The following YARS2 variants were observed in gnomAD, a reference collection of about 807,000 sequenced individuals.
The protein encoded by YARS2 is tyrosyl-tRNA synthetase 2.
YARS2 carries 38 observed loss-of-function variants against 45.0 expected under a neutral mutation model. The observed-to-expected ratio is 0.84, with a 90% CI of 0.65 to 1.11. The LOEUF (loss-of-function observed/expected upper bound fraction) is 1.11. Among genes scored for constraint, YARS2 ranks in the 50% least tolerant of loss-of-function variants. The probability of loss-of-function intolerance (pLI) is 0.00; values close to 1 mark genes in which losing one functional copy is unlikely to be tolerated. For synonymous variants in YARS2, 287 were observed against 245.1 expected, an observed-to-expected ratio of 1.17 and a Z score of -1.60; for missense variants, 602 against 599.8, an observed-to-expected ratio of 1.00 and a Z score of -0.04.
In YARS2 at chr12:32,755,855, C is replaced by T. The variant is rs768368005; in HGVS notation, c.20G>A (p.Arg7Gln). ...AGACCACCGGCCCCAGGAAAAGGAC[C>T]GCAAGATGGGCGCCGCCATCTTGGT... is the stretch of plus-strand genomic sequence containing the variant. MAAPIL[R>Q]SFSWGRWSGT... Residue 7 changes from arginine to glutamine, a missense_variant, in exon 1 of 5, where the codon CGG (arginine) becomes CAG (glutamine). Arg to Gln is a conservative substitution (Grantham distance 43, BLOSUM62 1). Transcript: ENST00000324868. 1.2e-6 allele frequency: 2 copies of T among 1,613,120 alleles called. No individual in the cohort carries two copies. The highest frequency in any genetic ancestry group is 8.5e-7 in the Non-Finnish European group (1 of 1,180,036).
chr12:32,754,962 T>C (rs1955819175), intron 1 of YARS2, 134 bp downstream of exon 1: 4 of 1,112,716 alleles, frequency 3.6e-6, no homozygotes, highest in East Asian at 2.3e-5. Context: ...AACGCCATTA[T>C]AGAGCCTTAA....
Position 32,754,016 on chromosome 12 carries a change from T to G in YARS2, c.849A>C (p.Gly283=). ...LITSTTGAKL[G]KSAGNAVWLN... is the part of the protein sequence containing the mutation. ...GCCAAACAGCGTTGCCAGCAGACTT[T>G]CCCAGCTTTGCTCCAGTTGTACTTG... The change falls in exon 2 of 5, where the codon GGA becomes GGC. Residue 283 remains glycine, a synonymous_variant. Transcript: ENST00000324868. 1 of 1,614,210 alleles carries G rather than the reference T, an allele frequency of 6.2e-7. No homozygotes were observed. Among genetic ancestry groups the G allele is most frequent in the Non-Finnish European group, 8.5e-7 (1 of 1,180,036 alleles).
chr12:32,755,092 T>C lies in YARS2; in HGVS notation c.779+4A>G. The C allele has an allele frequency of 6.2e-7, 1 of 1,614,166 alleles. No individual in the cohort carries two copies. Among genetic ancestry groups the C allele is most frequent in the Non-Finnish European group, 8.5e-7 (1 of 1,180,026 alleles). ...GGATTTCCCCAAGGTTTAAAGGCAC[T>C]TACTTGTTGATGAACTCATATCCGG... On this transcript the variant is annotated splice_donor_region_variant and intron_variant, in intron 1 of 4. Coordinates refer to ENST00000324868, the MANE Select transcript of YARS2 (RefSeq NM_001040436.3).
chr12:32,753,719 ACT>A (rs1955791071), intron 2 of YARS2, among the ~76,000 whole-genome samples, 197 bp downstream of exon 2: 1 of 152,206 alleles, frequency 6.6e-6, no homozygotes, highest in Non-Finnish European at 1.5e-5. Context: ...CTAGCCACCC[ACT>A]GTTTTTCTGC....
chr12:32,755,274 G>A lies in YARS2; in HGVS notation c.601C>T (p.Arg201Trp), dbSNP rs767331277. The A allele has an allele frequency of 1.9e-6, 3 of 1,614,128 alleles. No homozygotes were observed. Among genetic ancestry groups the A allele is most frequent in the Non-Finnish European group, 2.5e-6 (3 of 1,180,042 alleles). ...GHFRMGTLLS[R>W]QSVQLRLKSP... ...TTGAGCCGCAGCTGCACGCTCTGCC[G>A]GCTCAGCAGCGTCCCCATGCGGAAG... Residue 201 changes from arginine to tryptophan, a missense_variant, in exon 1 of 5, where the codon CGG becomes TGG. Coordinates refer to ENST00000324868, the MANE Select transcript of YARS2 (RefSeq NM_001040436.3).
In YARS2 at chr12:32,750,787, A is replaced by C. The variant is rs1955728820; in HGVS notation, c.1035T>G (p.Pro345=). The change falls in exon 3 of 5, where the codon CCT becomes CCG. Residue 345 remains proline, a synonymous_variant. Coordinates refer to ENST00000324868, the MANE Select transcript of YARS2 (RefSeq NM_001040436.3). ...TTACTTCTGCTGCCAGTCGTTTCTG[A>C]GGACCCCGCCTTTCTGGCTCTTTGA... The part of the protein sequence containing the change: ...LHVKEPERRG[P]QKRLAAEVTK... 6.2e-7 allele frequency: 1 copy of C among 1,614,188 alleles called. No homozygotes were observed. Among genetic ancestry groups the C allele is most frequent in the East Asian group, 2.2e-5 (1 of 44,868 alleles).
chr12:32,749,750 T>C (rs567059422), intron 4 of YARS2, among the ~76,000 whole-genome samples, 187 bp downstream of exon 4: 1 of 151,972 alleles, frequency 6.6e-6, no homozygotes, highest in East Asian at 1.9e-4. Flanking sequence ...CCGGCTAATT[T>C]GTATTTTTAG....
At chr12:32,748,217 A>C (rs2137646665) in intron 4 of YARS2, among the ~76,000 whole-genome samples, 1 of 152,180 alleles carries the variant, frequency 6.6e-6, no homozygotes, top group African/African-American at 2.4e-5. Flanking sequence ...GTCCTTGCCC[A>C]CACAGATCTT....
chr12:32,749,858 T>G, intron 4 of YARS2, 79 bp downstream of exon 4: 133 of 1,555,608 alleles, frequency 8.5e-5, no homozygotes, highest in Middle Eastern at 3.4e-4. Context: ...ATTACAGGCA[T>G]GAGCCACTTC....
intron 4 of YARS2, among the ~76,000 whole-genome samples, chr12:32,748,941 A>C (rs1403709800): frequency 6.6e-6 from 1 of 152,208 alleles, no homozygotes; most frequent in Admixed American, 6.5e-5. Context: ...CTCACTGTTC[A>C]TTTAAAAATG....
intron 1 of YARS2, 98 bp from the exon 2 acceptor site, chr12:32,754,183 G>A: frequency 7.0e-7 from 1 of 1,430,644 alleles, no homozygotes; most frequent in East Asian, 2.3e-5. Flanking sequence ...CTTGCTCCAG[G>A]AAAACTTCCT....
chr12:32,751,768 G>C (rs1955749851), intron 2 of YARS2, among the ~76,000 whole-genome samples: 1 of 152,168 alleles, frequency 6.6e-6, no homozygotes, highest in Non-Finnish European at 1.5e-5. Flanking sequence ...TAGGGTTTGT[G>C]CTCCTATGAG....
At chr12:32,748,193 C>T (rs763844105) in intron 4 of YARS2, among the ~76,000 whole-genome samples, 3 of 152,016 alleles carry the variant, frequency 2.0e-5, no homozygotes, top group Non-Finnish European at 4.4e-5. Context: ...TGGGTAGAGA[C>T]GGAGTCTCAC....
At chr12:32,753,303 A>AT (rs1427272528) in intron 2 of YARS2, among the ~76,000 whole-genome samples, 6 of 152,266 alleles carry the variant, frequency 3.9e-5, no homozygotes, top group Non-Finnish European at 7.4e-5. Flanking sequence ...AACTGATATT[A>AT]TTTTTGTACT....
chr12:32,755,218 GA>G lies in YARS2; in HGVS notation c.656del (p.Phe219SerfsTer30), dbSNP rs1955825038. The G allele has an allele frequency of 6.2e-7, 1 of 1,614,074 alleles. No homozygotes were observed. Among genetic ancestry groups the G allele is most frequent in the African/African-American group, 1.3e-5 (1 of 74,942 alleles). ...KSPEGMSLAEFFYQVLQAYDF... is the reference protein window; with the variant it reads ...KSPEGMSLAEXFYQVLQAYDF... ...CATAGGCCTGGAGCACCTGGTAAAA[GA>G]ACTCGGCCAAGCTCATGCCCTCGGG... On this transcript the variant is annotated frameshift_variant, in exon 1 of 5. Transcript: ENST00000324868. LOFTEE classifies it high-confidence loss of function.
chr12:32,749,302 G>A (rs533430864), intron 4 of YARS2, among the ~76,000 whole-genome samples: 2 of 152,204 alleles, frequency 1.3e-5, no homozygotes, highest in East Asian at 1.9e-4. Context: ...CTCTAAAACT[G>A]TGACCATATC....
chr12:32,749,516 G>T (rs538387379), intron 4 of YARS2, among the ~76,000 whole-genome samples: 1 of 152,264 alleles, frequency 6.6e-6, no homozygotes, highest in South Asian at 2.1e-4. Context: ...CTTTTCTAAG[G>T]AAGAGATGCC....
In YARS2 at chr12:32,755,348, C is replaced by T. The variant is rs748525289; in HGVS notation, c.527G>A (p.Trp176Ter). 1 of 1,614,152 alleles carries T rather than the reference C, an allele frequency of 6.2e-7. No individual in the cohort carries two copies. Among genetic ancestry groups the T allele is most frequent in the Non-Finnish European group, 8.5e-7 (1 of 1,180,052 alleles). The change falls in exon 1 of 5, where the codon TGG becomes TAG. Residue 176 changes from tryptophan (W) to a stop codon, truncating the protein, a stop_gained. Transcript: ENST00000324868. LOFTEE classifies it high-confidence loss of function. Reference sequence around the variant, plus strand: ...GTCCACCAGGTGCTGCTTCTGGTACCAGGCCGAGTTGTCCAGCACAGTGAA... The same window carrying T: ...GTCCACCAGGTGCTGCTTCTGGTACTAGGCCGAGTTGTCCAGCACAGTGAA... ...GSFTVLDNSA[W>*]YQKQHLVDFL... is the part of the protein sequence containing the mutation.
At chr12:32,754,990 A>G in intron 1 of YARS2, 106 bp downstream of exon 1, 1 of 1,453,864 alleles carries the variant, frequency 6.9e-7, no homozygotes, top group East Asian at 2.3e-5. Context: ...AAAACCAACA[A>G]GAGCTGGAAC....
Sources: gnomAD v4.1 joint callset for allele counts (sites outside exome capture counted in the v4.1 genomes callset) on GRCh38, gnomAD v4.1.1 for gene constraint, MANE v1.5 for transcripts, NCBI Gene and HGNC (gene_info 2026-07-23, HGNC 2026-07-21) for gene names.